Variants in EMC3 observed in about 807,000 individuals in gnomAD.
EMC3 encodes the protein ER membrane protein complex subunit 3.
Under a neutral mutation model 36.6 loss-of-function variants are expected in EMC3, and 13 were observed. The observed-to-expected ratio is 0.35, with a 90% CI of 0.23 to 0.56. The LOEUF is 0.56. Among genes scored for constraint, EMC3 ranks in the 20% least tolerant of loss-of-function variants. The pLI is 0.84. For missense variants in EMC3, 220 were observed against 324.5 expected, an observed-to-expected ratio of 0.68 and a Z score of 2.47; for synonymous variants, 120 against 111.9, an observed-to-expected ratio of 1.07 and a Z score of -0.46.
In EMC3 at chr3:9,965,389, C is replaced by G. The variant is rs556156650; in HGVS notation, c.658-1192G>C. 5.3e-5 allele frequency among the ~76,000 whole-genome samples: 8 copies of G among 151,418 alleles called. No individual in the cohort carries two copies. The East Asian group carries it at 7.8e-4, about 15-fold the overall frequency. On this transcript the variant is annotated intron_variant, in intron 7 of 7. Coordinates refer to ENST00000245046, the MANE Select transcript of EMC3 (RefSeq NM_001394674.1). Reference sequence around the variant, plus strand: ...TGAGCAAGGATTGTACCACTGCACTCCAGCCTGGGTGACACAGTGAGACCC... The same window carrying G: ...TGAGCAAGGATTGTACCACTGCACTGCAGCCTGGGTGACACAGTGAGACCC...
intron 1 of EMC3, chr3:9,994,308 C>G: frequency 4.2e-6 from 4 of 961,848 alleles, no homozygotes; most frequent in South Asian, 1.3e-5. Context: ...TGTTTTTTGA[C>G]ACATACTGCC....
At chr3:9,966,590 G>A (rs1481347554) in intron 7 of EMC3, among the ~76,000 whole-genome samples, 1 of 151,568 alleles carries the variant, frequency 6.6e-6, no homozygotes, top group Non-Finnish European at 1.5e-5. Context: ...AGGGTGGAGT[G>A]CAGTGGCGCC....
At chr3:9,985,820 G>A (rs1309959973) in intron 1 of EMC3, among the ~76,000 whole-genome samples, 1 of 152,142 alleles carries the variant, frequency 6.6e-6, no homozygotes, top group Non-Finnish European at 1.5e-5. Flanking sequence ...CTTGAACCCG[G>A]GAGGCGTAGA....
intron 5 of EMC3, 60 bp from the exon 6 acceptor site, chr3:9,970,721 C>T: frequency 1.3e-6 from 2 of 1,548,822 alleles, no homozygotes; most frequent in Non-Finnish European, 1.8e-6. Flanking sequence ...AATGCAGTTC[C>T]CACTTCCCTA....
chr3:9,987,365 C>G, upstream of EMC3: 3 of 932,906 alleles, frequency 3.2e-6, no homozygotes, highest in Non-Finnish European at 3.8e-6. Context: ...TCTGGGGCTC[C>G]GCGCCCCAAG....
rs1219511702 is a variant in EMC3, at chr3:9,986,825, T to G, written c.-164A>C. ...CCGAGCTTACTGCCTTCAGCTGGGC[T>G]GCCTGGTCTTCCACTTCCGGCGCGA... On this transcript the variant is annotated 5_prime_UTR_variant, in exon 1 of 8. Transcript: ENST00000245046. 1.1e-5 allele frequency: 16 copies of G among 1,407,152 alleles called. No individual in the cohort carries two copies. The East Asian group carries it at 3.9e-4, about 34-fold the overall frequency. The allele number at this position is 1,407,152 out of a possible 1,614,324, so 87.2% of individuals were successfully genotyped here.
intron 1 of EMC3, among the ~76,000 whole-genome samples, chr3:9,996,491 T>A (rs2086126634): frequency 6.6e-6 from 1 of 152,110 alleles, no homozygotes; most frequent in Admixed American, 6.6e-5. Context: ...AGAGATTAGA[T>A]TGGAATCATA....
upstream of EMC3, among the ~76,000 whole-genome samples, chr3:9,990,939 C>T (rs1559356066): frequency 1.3e-5 from 2 of 152,174 alleles, no homozygotes; most frequent in South Asian, 4.1e-4. Flanking sequence ...CGCCATTCTC[C>T]TGCCTCGGCC....
At chr3:9,981,424 G>A (rs1336502074) in intron 1 of EMC3, among the ~76,000 whole-genome samples, 3 of 152,130 alleles carry the variant, frequency 2.0e-5, no homozygotes, top group Non-Finnish European at 4.4e-5. Flanking sequence ...AAATTATCCT[G>A]TATTTTCTAA....
chr3:9,987,587 GACTA>G (rs890040862), upstream of EMC3, among the ~76,000 whole-genome samples: 3 of 152,322 alleles, frequency 2.0e-5, no homozygotes, highest in South Asian at 2.1e-4. Flanking sequence ...CGAAAGTCCT[GACTA>G]ACTGAGAATG....
intron 1 of EMC3, among the ~76,000 whole-genome samples, chr3:9,999,569 G>T (rs1349272598): frequency 6.6e-6 from 1 of 151,902 alleles, no homozygotes; most frequent in Non-Finnish European, 1.5e-5. Context: ...TTATTTTTTT[G>T]ATCTGTGATT....
chr3:9,973,593 G>GT (rs780895022), intron 5 of EMC3, 35 bp downstream of exon 5: 1 of 1,589,702 alleles, frequency 6.3e-7, no homozygotes, highest in Admixed American at 1.7e-5. Flanking sequence ...CCAAAGTGTG[G>GT]TTTGTGTTTT....
At chr3:9,982,249 G>A (rs1213828662) in intron 1 of EMC3, among the ~76,000 whole-genome samples, 1 of 150,346 alleles carries the variant, frequency 6.7e-6, no homozygotes, top group Admixed American at 6.7e-5. Flanking sequence ...CATACCTGGT[G>A]CAAATGGAAA....
chr3:9,993,742 G>A (rs2086084581), intron 1 of EMC3, among the ~76,000 whole-genome samples: 1 of 152,190 alleles, frequency 6.6e-6, no homozygotes, highest in Non-Finnish European at 1.5e-5. Flanking sequence ...GTCCATTAAT[G>A]TCTATATATT....
At chr3:9,987,868 A>G, upstream of EMC3, 1 of 755,390 alleles carries the variant, frequency 1.3e-6, no homozygotes, top group South Asian at 1.3e-5. Flanking sequence ...CCCACTATGA[A>G]TGAGCAGAAC....
chr3:10,003,938 C>G (rs752545979), intron 1 of EMC3: 1 of 152,542 alleles, frequency 6.6e-6, no homozygotes, highest in South Asian at 2.1e-4. Flanking sequence ...ACGTTAAGAT[C>G]GCAGACTTCG....
intron 5 of EMC3, 119 bp from the exon 6 acceptor site, chr3:9,970,780 A>G: frequency 1.2e-6 from 1 of 847,002 alleles, no homozygotes; most frequent in Non-Finnish European, 1.9e-6. Context: ...TGGATGGGCT[A>G]TATTCATCCA....
chr3:10,001,975 G>T (rs1193950048), intron 1 of EMC3, among the ~76,000 whole-genome samples: 2 of 152,120 alleles, frequency 1.3e-5, no homozygotes, highest in Non-Finnish European at 2.9e-5. Context: ...CTCCAGCCTG[G>T]GTGACAGAGT....
chr3:9,986,683 A>G lies in EMC3; in HGVS notation c.-22T>C. 3 of 1,612,862 alleles carry G rather than the reference A, an allele frequency of 1.9e-6. No homozygotes were observed. Among genetic ancestry groups the G allele is most frequent in the Non-Finnish European group, 2.5e-6 (3 of 1,179,156 alleles). ...CCATCTTCACTGAAAGCTGGTTCCC[A>G]GTCTGGAATGGGCGAGCTTCTCTTC... On this transcript the variant is annotated 5_prime_UTR_variant, in exon 1 of 8. Coordinates refer to ENST00000245046, the MANE Select transcript of EMC3 (RefSeq NM_001394674.1).
Sources: gnomAD v4.1 joint callset for allele counts (sites outside exome capture counted in the v4.1 genomes callset) on GRCh38, gnomAD v4.1.1 for gene constraint, MANE v1.5 for transcripts, NCBI Gene and HGNC (gene_info 2026-07-23, HGNC 2026-07-21) for gene names.